The following FGGY variants were observed in gnomAD, a reference collection of about 807,000 sequenced individuals.
The protein encoded by FGGY is FGGY carbohydrate kinase domain-containing protein.
Under a neutral mutation model 71.3 loss-of-function variants are expected in FGGY, and 72 were observed. The observed-to-expected ratio is 1.01, with a 90% confidence interval of 0.84 to 1.23. The LOEUF (loss-of-function observed/expected upper bound fraction) is 1.23, where lower values mean the gene tolerates loss of function less well. Ranked by LOEUF, FGGY falls within the 50% of genes most tolerant of loss-of-function variation. FGGY has a pLI of 0.00. For missense variants in FGGY, 668 were observed against 682.3 expected (o/e 0.98, Z 0.23); for synonymous variants, 251 against 250.3 (o/e 1.00, Z -0.02).
intron 4 of FGGY, among the ~76,000 whole-genome samples, chr1:59,372,435 A>G (rs2057836013): frequency 1.3e-5 from 2 of 152,214 alleles, no homozygotes; most frequent in Non-Finnish European, 1.5e-5. Context: ...CCAACCAAAA[A>G]GAGTCCAGGA....
intron 2 of FGGY, among the ~76,000 whole-genome samples, chr1:59,326,163 A>T (rs2153150265): frequency 6.6e-6 from 1 of 152,372 alleles, no homozygotes; most frequent in East Asian, 1.9e-4. Flanking sequence ...TTAGTCTGCA[A>T]ACATTTATTG....
Position 59,757,927 on chromosome 1 carries a change from A to C in FGGY, c.1513-4A>C. 6.2e-7 allele frequency: 1 copy of C among 1,611,930 alleles called. No individual in the cohort carries two copies. The highest frequency in any genetic ancestry group is 2.2e-5 in the East Asian group (1 of 44,840). The stretch of plus-strand genomic sequence containing the variant: ...AGCTGTCTATGTTGTTTTCCATTTA[A>C]TAGGAAGCAATGGCAAAAATGAGCA... On this transcript the variant is annotated splice_polypyrimidine_tract_variant and splice_region_variant and intron_variant, in intron 14 of 15. Transcript: ENST00000303721.
intron 14 of FGGY, among the ~76,000 whole-genome samples, chr1:59,718,496 G>T (rs899474372): frequency 2.0e-5 from 3 of 152,160 alleles, no homozygotes; most frequent in Non-Finnish European, 4.4e-5. Flanking sequence ...GGGGCAGAGG[G>T]TGGCTCTCTA....
At chr1:59,536,933 G>T (rs1017662916) in intron 7 of FGGY, among the ~76,000 whole-genome samples, 3 of 151,930 alleles carry the variant, frequency 2.0e-5, no homozygotes, top group African/African-American at 7.3e-5. Context: ...TTGAAAACTG[G>T]CACAAGACAG....
At chr1:59,629,064 C>T (rs1051388158) in intron 10 of FGGY, among the ~76,000 whole-genome samples, 5 of 151,686 alleles carry the variant, frequency 3.3e-5, no homozygotes, top group African/African-American at 7.3e-5. Flanking sequence ...CGAGGCCTGT[C>T]GTGGGATGGG....
At chr1:59,515,067 T>C (rs1206021329) in intron 7 of FGGY, among the ~76,000 whole-genome samples, 2 of 152,008 alleles carry the variant, frequency 1.3e-5, no homozygotes, top group Non-Finnish European at 2.9e-5. Flanking sequence ...GTTAAGACTT[T>C]GGAGGACTGT....
intron 13 of FGGY, among the ~76,000 whole-genome samples, chr1:59,668,733 C>T (rs545174107): frequency 6.6e-6 from 1 of 152,040 alleles, no homozygotes; most frequent in South Asian, 2.1e-4. Context: ...CTGTGATCCC[C>T]ACACTTTGGG....
intron 9 of FGGY, among the ~76,000 whole-genome samples, chr1:59,623,145 C>G (rs1176226308): frequency 6.6e-6 from 1 of 152,102 alleles, no homozygotes; most frequent in Non-Finnish European, 1.5e-5. Context: ...CTTATATTCC[C>G]ATTGCCAACC....
chr1:59,306,475 G>A (rs1277969027), intron 1 of FGGY, among the ~76,000 whole-genome samples: 1 of 152,218 alleles, frequency 6.6e-6, no homozygotes, highest in Non-Finnish European at 1.5e-5. Context: ...GACCCAAAGG[G>A]GTGAGGGAAG....
chr1:59,567,815 T>C (rs2095900231), intron 8 of FGGY, among the ~76,000 whole-genome samples: 2 of 151,222 alleles, frequency 1.3e-5, no homozygotes, highest in African/African-American at 2.4e-5. Context: ...AATCTGATGG[T>C]TTCATTCTCC....
intron 5 of FGGY, among the ~76,000 whole-genome samples, chr1:59,442,416 G>GTTTGTTTTTGTTTTTGTT (rs199825170): frequency 6.6e-6 from 1 of 151,896 alleles, no homozygotes; most frequent in African/African-American, 2.4e-5. Flanking sequence ...TTTCCTGTTT[G>GTTTGTTTTTGTTTTTGTT]TTTGTTTTTG....
At chr1:59,563,419 A>T (rs1476232570) in intron 8 of FGGY, among the ~76,000 whole-genome samples, 1 of 152,198 alleles carries the variant, frequency 6.6e-6, no homozygotes, top group Admixed American at 6.5e-5. Flanking sequence ...GAGTCAAATC[A>T]TGAGTGAACT....
At chr1:59,380,597 T>C (rs973191584) in intron 5 of FGGY, among the ~76,000 whole-genome samples, 1 of 151,702 alleles carries the variant, frequency 6.6e-6, no homozygotes, top group Non-Finnish European at 1.5e-5. Context: ...ATGTCTTCTT[T>C]TGAGAAGTGT....
chr1:59,451,519 C>A lies in FGGY; in HGVS notation c.555-5442C>A, dbSNP rs367588613. On this transcript the variant is annotated intron_variant, in intron 5 of 15. Transcript: ENST00000303721. Reference sequence around the variant, plus strand: ...TTATGCATATATGTATATGTTTAAGCATATTATGCACATACATGCATATAT... The same window carrying A: ...TTATGCATATATGTATATGTTTAAGAATATTATGCACATACATGCATATAT... 5.8e-4 allele frequency among the ~76,000 whole-genome samples: 88 copies of A among 151,756 alleles called. 3 individuals are homozygous for A. The South Asian group carries it at 0.018, about 31-fold the overall frequency.
intron 6 of FGGY, among the ~76,000 whole-genome samples, chr1:59,503,761 T>A (rs1336206611): frequency 2.0e-5 from 3 of 151,554 alleles, no homozygotes; most frequent in Non-Finnish European, 2.9e-5. Flanking sequence ...ATATGTATAA[T>A]AACACCACAA....
At chr1:59,361,724 G>A (rs1262028085) in intron 4 of FGGY, among the ~76,000 whole-genome samples, 13 of 152,132 alleles carry the variant, frequency 8.5e-5, no homozygotes, top group Admixed American at 1.3e-4. Context: ...CATTTTTCCC[G>A]ACTCTTCTAT....
At chr1:59,707,151 A>T (rs947629846) in intron 14 of FGGY, among the ~76,000 whole-genome samples, 1 of 152,190 alleles carries the variant, frequency 6.6e-6, no homozygotes, top group Admixed American at 6.6e-5. Context: ...GTCCATCAGG[A>T]TTTATCTGCA....
chr1:59,353,049 A>G (rs374205234), intron 4 of FGGY, among the ~76,000 whole-genome samples: 5 of 152,208 alleles, frequency 3.3e-5, no homozygotes, highest in African/African-American at 1.2e-4. Context: ...TATAACACAA[A>G]TCTATACAGA....
At chr1:59,553,405 A>G (rs11580254) in intron 7 of FGGY, among the ~76,000 whole-genome samples, 21,085 of 152,142 alleles carry the variant, frequency 0.14, 1,758 homozygotes, top group South Asian at 0.28. Context: ...TGTCATATTT[A>G]TAACTTTAGT....
Sources: allele counts gnomAD v4.1 joint callset (sites outside exome capture counted in the v4.1 genomes callset), GRCh38; gene constraint gnomAD v4.1.1; transcripts MANE v1.5; gene names NCBI Gene and HGNC (gene_info 2026-07-23, HGNC 2026-07-21).